Variants in GLRA1 observed in about 807,000 individuals in gnomAD.
GLRA1 encodes glycine receptor alpha 1.
Under a neutral mutation model 48.3 loss-of-function variants are expected in GLRA1, and 37 were observed. The observed-to-expected ratio is 0.77, with a 90% CI of 0.59 to 1.01. The LOEUF (loss-of-function observed/expected upper bound fraction) is 1.01. Among genes scored for constraint, GLRA1 ranks in the 50% least tolerant of loss-of-function variants. The pLI, the probability that GLRA1 is intolerant of heterozygous loss-of-function variation, is 0.00. For synonymous variants in GLRA1, 196 were observed against 210.7 expected, an observed-to-expected ratio of 0.93 and a Z score of 0.60; for missense variants, 427 against 571.0, an observed-to-expected ratio of 0.75 and a Z score of 2.57.
chr5:151,900,395 C>T (rs1232629471), intron 1 of GLRA1, among the ~76,000 whole-genome samples: 1 of 152,236 alleles, frequency 6.6e-6, no homozygotes, highest in Non-Finnish European at 1.5e-5. Context: ...TTACCTCTTA[C>T]AGCATCCTGC....
chr5:151,841,228 A>G (rs1763706574), intron 7 of GLRA1, among the ~76,000 whole-genome samples: 2 of 152,146 alleles, frequency 1.3e-5, no homozygotes, highest in African/African-American at 2.4e-5. Context: ...AGAAAGTTGG[A>G]AAACTCACAA....
intron 8 of GLRA1, among the ~76,000 whole-genome samples, chr5:151,828,394 C>G (rs1445109975): frequency 2.6e-5 from 4 of 152,162 alleles, no homozygotes; most frequent in Admixed American, 2.0e-4. Flanking sequence ...CAGAGGTGCC[C>G]TGTCAAATAT....
rs2913880 is a variant in GLRA1, at chr5:151,885,801, T to A, written c.252+920A>T. Among the ~76,000 whole-genome samples, 1,171 of 152,196 alleles carry A rather than the reference T, an allele frequency of 7.7e-3. 8 individuals are homozygous for A. The highest frequency in any genetic ancestry group is 0.012 in the Non-Finnish European group (822 of 68,008). On this transcript the variant is annotated intron_variant, in intron 3 of 8. Transcript: ENST00000274576. ...GAGGGTGATGGGGAGCCATAGGAAG[T>A]GTTTAAATAGGAGCAGTGACGTGGT...
At chr5:151,849,789 G>T (rs1752851276) in intron 7 of GLRA1, 6 of 839,972 alleles carry the variant, frequency 7.1e-6, no homozygotes, top group Non-Finnish European at 9.8e-6. Context: ...CCTGACCTCA[G>T]GTGATCCAAC....
At chr5:151,853,017 A>T (rs1267004286) in intron 6 of GLRA1, among the ~76,000 whole-genome samples, 2 of 152,214 alleles carry the variant, frequency 1.3e-5, no homozygotes, top group Non-Finnish European at 2.9e-5. Context: ...GTATGATCTC[A>T]CTTATATGTG....
At chr5:151,920,240 G>A (rs915789173) in intron 1 of GLRA1, among the ~76,000 whole-genome samples, 1 of 152,204 alleles carries the variant, frequency 6.6e-6, no homozygotes, top group South Asian at 2.1e-4. Context: ...TGGAGAGAAT[G>A]TAGAAGTGTC....
chr5:151,836,163 A>G (rs141374149), intron 7 of GLRA1, among the ~76,000 whole-genome samples: 1,726 of 152,214 alleles, frequency 0.011, 37 homozygotes, highest in African/African-American at 0.039. Flanking sequence ...CTATACACCA[A>G]TAATAGACAG....
intron 3 of GLRA1, among the ~76,000 whole-genome samples, chr5:151,869,445 G>A (rs190911785): frequency 6.6e-6 from 1 of 151,276 alleles, no homozygotes. Context: ...TGGGTGTGGT[G>A]GCTCATGCCT....
intron 1 of GLRA1, among the ~76,000 whole-genome samples, chr5:151,908,266 G>T (rs1754525146): frequency 6.6e-6 from 1 of 152,234 alleles, no homozygotes; most frequent in Admixed American, 6.5e-5. Flanking sequence ...AATTCTTGAT[G>T]TGAGGATCCT....
At position 151,829,046 on chromosome 5, in the gene GLRA1, C is replaced by A; in HGVS notation, c.934G>T (p.Asp312Tyr). 6.2e-7 allele frequency: 1 copy of A among 1,614,038 alleles called. No homozygotes were observed. Among genetic ancestry groups the A allele is most frequent in the South Asian group, 1.1e-5 (1 of 91,070 alleles). Reference sequence around the variant, plus strand: ...AGCAGGCAAACTGCCATCCAAATGTCAATGGCTTTCACATAGGACACCTAG... The same window carrying A: ...AGCAGGCAAACTGCCATCCAAATGTAAATGGCTTTCACATAGGACACCTAG... ...LPKVSYVKAIDIWMAVCLLFV... is the reference protein window; with the variant it reads ...LPKVSYVKAIYIWMAVCLLFV... The change falls in exon 8 of 9, where the codon GAC (aspartate) becomes TAC (tyrosine). Residue 312 changes from aspartate to tyrosine, a missense_variant. This residue lies in a region of GLRA1 where 271 missense variants were observed against 434.9 expected (regional missense o/e 0.62). Transcript: ENST00000274576.
In GLRA1 at chr5:151,822,816, C is replaced by T. The variant is rs1338131195; in HGVS notation, c.1207G>A (p.Glu403Lys). 6.2e-7 allele frequency: 1 copy of T among 1,613,352 alleles called. No individual in the cohort carries two copies. Among genetic ancestry groups the T allele is most frequent in the Non-Finnish European group, 8.5e-7 (1 of 1,179,446 alleles). The stretch of plus-strand genomic sequence containing the variant: ...CTCTGGATGAAGAGTTTTCGCATCT[C>T]CTCTGGGGACTTAGATGGTGCAGGA... ...PPPAPSKSPEEMRKLFIQRAK... is the reference protein window; with the variant it reads ...PPPAPSKSPEKMRKLFIQRAK... Residue 403 changes from glutamate to lysine, a missense_variant, in exon 9 of 9, where the codon GAG (glutamate) becomes AAG (lysine). Around this residue, in one of 4 missense-constraint regions of GLRA1, gnomAD observed 121 missense variants for 96.5 expected, o/e 1.25. Coordinates refer to ENST00000274576, the MANE Select transcript of GLRA1 (RefSeq NM_000171.4).
intron 1 of GLRA1, among the ~76,000 whole-genome samples, chr5:151,923,690 C>T (rs1158671441): frequency 6.6e-6 from 1 of 152,158 alleles, no homozygotes; most frequent in Non-Finnish European, 1.5e-5. Flanking sequence ...ACCTGAGAGA[C>T]AGTGGATGGG....
intron 7 of GLRA1, among the ~76,000 whole-genome samples, chr5:151,851,015 G>A (rs148813476): frequency 2.6e-5 from 4 of 152,274 alleles, no homozygotes; most frequent in Admixed American, 2.6e-4. Context: ...ATTAGTGTTG[G>A]AGATCCCTGA....
rs773379170 is a variant in GLRA1 at position 151,924,592 on chromosome 5, A to G, written c.-43T>C. On this transcript the variant is annotated 5_prime_UTR_variant, in exon 1 of 9. Coordinates refer to ENST00000274576, the MANE Select transcript of GLRA1 (RefSeq NM_000171.4). ...TTTGTAGTCCACGAGTTATGGGGGC[A>G]AAAATGTTTCAAATTGGCACTTACA... 7.3e-6 allele frequency: 9 copies of G among 1,239,444 alleles called. No individual in the cohort carries two copies. Among genetic ancestry groups the G allele is most frequent in the Admixed American group, 1.7e-5 (1 of 59,608 alleles). The allele number at this position is 1,239,444 out of a possible 1,614,324, so 76.8% of individuals were successfully genotyped here. A position where few individuals can be genotyped will look rare whatever the true frequency, so the allele number is the denominator to read the frequency against.
chr5:151,888,055 T>C (rs1753959151), intron 2 of GLRA1, among the ~76,000 whole-genome samples: 2 of 152,240 alleles, frequency 1.3e-5, no homozygotes, highest in African/African-American at 4.8e-5. Flanking sequence ...AGAATTCTTG[T>C]TCCTACTTGA....
chr5:151,887,624 C>T (rs556288955), intron 2 of GLRA1, among the ~76,000 whole-genome samples: 14 of 152,246 alleles, frequency 9.2e-5, no homozygotes, highest in Admixed American at 5.2e-4. Flanking sequence ...ATGGGTGAGT[C>T]AGAGTTTGAG....
chr5:151,916,871 C>G (rs1754753452), intron 1 of GLRA1, among the ~76,000 whole-genome samples: 1 of 152,112 alleles, frequency 6.6e-6, no homozygotes. Context: ...CTTCAGAGAC[C>G]AGGCCACCAG....
intron 1 of GLRA1, among the ~76,000 whole-genome samples, chr5:151,918,609 A>T (rs953406619): frequency 6.6e-6 from 1 of 152,234 alleles, no homozygotes; most frequent in African/African-American, 2.4e-5. Flanking sequence ...GCTTACAAAG[A>T]TTGGATAGCA....
chr5:151,855,871 G>A (rs2113351297), intron 5 of GLRA1, among the ~76,000 whole-genome samples: 1 of 152,300 alleles, frequency 6.6e-6, no homozygotes, highest in East Asian at 1.9e-4. Flanking sequence ...CCATTAGAAG[G>A]AAGCACGCTT....
Sources: allele counts gnomAD v4.1 joint callset (sites outside exome capture counted in the v4.1 genomes callset), GRCh38; gene constraint gnomAD v4.1.1; regional missense constraint gnomAD v4.1.1; transcripts MANE v1.5; gene names NCBI Gene and HGNC (gene_info 2026-07-23, HGNC 2026-07-21).